The following SPAG16 variants were observed in gnomAD, a reference collection of about 807,000 sequenced individuals.
The protein encoded by SPAG16 is sperm-associated antigen 16 protein.
SPAG16 carries 86 observed loss-of-function variants against 80.4 expected under a neutral mutation model. That is an observed-to-expected ratio of 1.07 (90% CI 0.90 to 1.28). SPAG16 has a LOEUF of 1.28. Among genes scored for constraint, SPAG16 ranks in the 50% most tolerant of loss-of-function variants. The pLI is 0.00. For missense variants in SPAG16, 870 were observed against 765.3 expected (o/e 1.14, Z -1.61); for synonymous variants, 294 against 265.9 (o/e 1.11, Z -1.03).
chr2:213,405,369 T>A (rs2068556359), intron 9 of SPAG16, among the ~76,000 whole-genome samples: 1 of 152,222 alleles, frequency 6.6e-6, no homozygotes, highest in South Asian at 2.1e-4. Flanking sequence ...GTTACACATA[T>A]ATATGGGGTA....
chr2:213,507,646 T>A (rs2075019986), intron 10 of SPAG16, among the ~76,000 whole-genome samples: 2 of 152,222 alleles, frequency 1.3e-5, no homozygotes, highest in Admixed American at 6.5e-5. Context: ...TAAGACATTC[T>A]TTACCTACTC....
chr2:213,672,905 C>T (rs1353300237), intron 10 of SPAG16, among the ~76,000 whole-genome samples: 1 of 139,698 alleles, frequency 7.2e-6, no homozygotes, highest in Non-Finnish European at 1.5e-5. Flanking sequence ...GTTGCTTAGG[C>T]TGGAGTGCAG....
At chr2:214,077,115 C>A (rs2051119799) in intron 13 of SPAG16, among the ~76,000 whole-genome samples, 1 of 152,094 alleles carries the variant, frequency 6.6e-6, no homozygotes, top group Non-Finnish European at 1.5e-5. Context: ...ATACAGATGT[C>A]ATTAGTTTGA....
chr2:213,457,502 G>T (rs868116278), intron 9 of SPAG16, among the ~76,000 whole-genome samples: 1 of 152,126 alleles, frequency 6.6e-6, no homozygotes, highest in African/African-American at 2.4e-5. Flanking sequence ...AACGTTTGAG[G>T]TTTATAGTTT....
intron 10 of SPAG16, among the ~76,000 whole-genome samples, chr2:213,635,655 C>T (rs911642184): frequency 6.6e-6 from 1 of 151,940 alleles, no homozygotes; most frequent in Non-Finnish European, 1.5e-5. Flanking sequence ...TTGCATTTTC[C>T]TGATGATTAG....
Position 213,871,875 on chromosome 2 carries a change from CACACAGAGAGAGAGAG to C in SPAG16, c.1214+9249_1214+9264del, listed in dbSNP as rs1337820319. On this transcript the variant is annotated intron_variant, in intron 11 of 15. Transcript: ENST00000331683. ...ACACACACACACACACACACACACA[CACACAGAGAGAGAGAG>C]AGAGAGAGCAAACAGCAGTAAAAAC... 6.7e-4 allele frequency among the ~76,000 whole-genome samples: 19 copies of C among 28,474 alleles called. No homozygotes were observed. The South Asian group carries it at 0.025, about 37-fold the overall frequency. 18.7% of individuals were successfully genotyped at this position (28,474 alleles called of 152,430 possible). A position where few individuals can be genotyped will look rare whatever the true frequency, so the allele number is the denominator to read the frequency against.
intron 10 of SPAG16, among the ~76,000 whole-genome samples, chr2:213,838,654 G>A (rs894234997): frequency 4.6e-5 from 7 of 152,304 alleles, no homozygotes; most frequent in African/African-American, 1.4e-4. Flanking sequence ...TGAATGTTCC[G>A]ATGAGGTGAT....
chr2:213,463,619 G>A (rs571203842), intron 9 of SPAG16, among the ~76,000 whole-genome samples: 1 of 152,372 alleles, frequency 6.6e-6, no homozygotes, highest in Non-Finnish European at 1.5e-5. Context: ...ATGGTGTGGA[G>A]CCTGCAGGTG....
intron 14 of SPAG16, among the ~76,000 whole-genome samples, chr2:214,118,078 G>A (rs1270519762): frequency 6.6e-6 from 1 of 152,108 alleles, no homozygotes; most frequent in Non-Finnish European, 1.5e-5. Flanking sequence ...TTTTACAGAT[G>A]ATATGATCTT....
intron 12 of SPAG16, among the ~76,000 whole-genome samples, chr2:213,931,485 A>G (rs1313285484): frequency 2.0e-5 from 3 of 152,198 alleles, no homozygotes; most frequent in African/African-American, 7.2e-5. Flanking sequence ...GATTAATGGA[A>G]TTTTAGCACT....
intron 15 of SPAG16, among the ~76,000 whole-genome samples, chr2:214,371,532 CAAAAA>C (rs199553043): frequency 2.6e-5 from 2 of 78,398 alleles, no homozygotes; most frequent in African/African-American, 7.3e-5. Context: ...AAATCCTTCT[CAAAAA>C]AAAAAAAAAA....
chr2:213,643,460 G>T (rs575544156), intron 10 of SPAG16, among the ~76,000 whole-genome samples: 1 of 136,724 alleles, frequency 7.3e-6, no homozygotes, highest in Non-Finnish European at 1.6e-5. Context: ...TCATCTTTGG[G>T]AGTTTGATTA....
At chr2:214,016,983 A>C (rs763593648) in intron 13 of SPAG16, among the ~76,000 whole-genome samples, 1 of 152,174 alleles carries the variant, frequency 6.6e-6, no homozygotes, top group Non-Finnish European at 1.5e-5. Flanking sequence ...CAAGTTCAGT[A>C]TGTGAAGCCC....
intron 10 of SPAG16, among the ~76,000 whole-genome samples, chr2:213,585,313 A>G (rs570102423): frequency 3.9e-4 from 55 of 142,166 alleles, no homozygotes; most frequent in Non-Finnish European, 7.4e-4. Flanking sequence ...GTCTCACTCT[A>G]TTGCCCAGGT....
At chr2:214,369,840 T>C (rs1015004337) in intron 15 of SPAG16, among the ~76,000 whole-genome samples, 2 of 152,148 alleles carry the variant, frequency 1.3e-5, no homozygotes, top group African/African-American at 2.4e-5. Context: ...AAGATGATAT[T>C]CTATCAATGA....
chr2:214,090,659 G>T (rs1576148267), intron 13 of SPAG16, among the ~76,000 whole-genome samples: 1 of 151,852 alleles, frequency 6.6e-6, no homozygotes, highest in East Asian at 1.9e-4. Flanking sequence ...TTCTTCTTCA[G>T]ATCTCAGCTC....
chr2:213,434,535 T>C (rs976540610), intron 9 of SPAG16, among the ~76,000 whole-genome samples: 2 of 152,144 alleles, frequency 1.3e-5, no homozygotes, highest in African/African-American at 4.8e-5. Flanking sequence ...AACAGACAAC[T>C]TGCAGAATAG....
intron 15 of SPAG16, among the ~76,000 whole-genome samples, chr2:214,358,490 TTA>T (rs992855105): frequency 8.5e-5 from 13 of 152,062 alleles, no homozygotes; most frequent in Non-Finnish European, 1.6e-4. Context: ...TACATTATTG[TTA>T]TATGTTTTTT....
intron 10 of SPAG16, among the ~76,000 whole-genome samples, chr2:213,729,626 A>G (rs2066936936): frequency 6.6e-6 from 1 of 152,156 alleles, no homozygotes; most frequent in South Asian, 2.1e-4. Context: ...GAGCCTAACT[A>G]CATCTGTCAG....
Sources: allele counts gnomAD v4.1 joint callset (sites outside exome capture counted in the v4.1 genomes callset), GRCh38; gene constraint gnomAD v4.1.1; transcripts MANE v1.5; gene names NCBI Gene and HGNC (gene_info 2026-07-23, HGNC 2026-07-21).